Variants in FAM20C observed in about 807,000 individuals in gnomAD.
The protein encoded by FAM20C is FAM20C golgi associated secretory pathway kinase, also known as extracellular serine/threonine protein kinase FAM20C.
A neutral mutation model predicts 51.5 loss-of-function variants in FAM20C; 40 were observed. That is an observed-to-expected ratio of 0.78 (90% CI 0.60 to 1.01). The LOEUF is 1.01. Ranked by LOEUF, FAM20C falls within the 50% of genes least tolerant of loss-of-function variation. The pLI, the probability that FAM20C is intolerant of heterozygous loss-of-function variation, is 0.00. For synonymous variants in FAM20C, 406 were observed against 380.6 expected (o/e 1.07, Z -0.78); for missense variants, 861 against 844.7 (o/e 1.02, Z -0.24).
At chr7:245,205 T>G (rs527718092) in intron 3 of FAM20C, among the ~76,000 whole-genome samples, 1 of 152,360 alleles carries the variant, frequency 6.6e-6, no homozygotes, top group South Asian at 2.1e-4. Context: ...GTCTGTAGTC[T>G]GCATTGCTGG....
chr7:247,948 C>T (rs560410256), intron 4 of FAM20C, among the ~76,000 whole-genome samples: 8 of 152,350 alleles, frequency 5.3e-5, no homozygotes, highest in South Asian at 2.1e-4. Context: ...TTTAATTAAG[C>T]GAGTGGGAGC....
At chr7:212,378 G>C (rs1010574538) in intron 3 of FAM20C, among the ~76,000 whole-genome samples, 1 of 152,186 alleles carries the variant, frequency 6.6e-6, no homozygotes, top group Admixed American at 6.5e-5. Flanking sequence ...CAGGAGATTC[G>C]CTTGAACCTG....
chr7:203,084 T>G (rs532466211), intron 2 of FAM20C, among the ~76,000 whole-genome samples: 2 of 152,240 alleles, frequency 1.3e-5, no homozygotes, highest in African/African-American at 2.4e-5. Flanking sequence ...TCTCTGAGAC[T>G]TGTCCACGGT....
intron 3 of FAM20C, among the ~76,000 whole-genome samples, chr7:216,684 A>AGACAGAGT (rs1562376383): frequency 1.5e-4 from 22 of 149,482 alleles, no homozygotes; most frequent in African/African-American, 2.7e-4. Flanking sequence ...TGTGTGTGAG[A>AGACAGAGT]GTGTGTGTGT....
At chr7:259,203 C>G (rs1403556142) in intron 9 of FAM20C, among the ~76,000 whole-genome samples, 2 of 148,430 alleles carry the variant, frequency 1.3e-5, no homozygotes, top group Non-Finnish European at 3.0e-5. Flanking sequence ...GGTGAGTGGG[C>G]CGCCCTCCTC....
chr7:213,500 C>T (rs1201349455), intron 3 of FAM20C, among the ~76,000 whole-genome samples: 1 of 152,236 alleles, frequency 6.6e-6, no homozygotes, highest in African/African-American at 2.4e-5. Flanking sequence ...TGCTGCAGCA[C>T]GCATAGGTGC....
rs957248923 is a variant in FAM20C, at chr7:214,509, G to A, written c.863+5533G>A. On this transcript the variant is annotated intron_variant, in intron 3 of 9. Coordinates refer to ENST00000313766, the MANE Select transcript of FAM20C (RefSeq NM_020223.4). ...TTAGGCGAAGAGTGGTGCGGGAGGC[G>A]GTACCTGCACTTGGCACGGTCAGCG... Among the ~76,000 whole-genome samples the A allele has an allele frequency of 2.6e-5, 4 of 152,196 alleles. No homozygotes were observed. In the East Asian group the frequency reaches 7.7e-4, roughly 29 times the overall value.
At chr7:246,867 C>T (rs1788188268) in intron 4 of FAM20C, among the ~76,000 whole-genome samples, 1 of 152,096 alleles carries the variant, frequency 6.6e-6, no homozygotes, top group South Asian at 2.1e-4. Context: ...CCCAGGTTCC[C>T]ACGCTCCTAA....
intron 2 of FAM20C, among the ~76,000 whole-genome samples, chr7:198,093 C>T (rs1286247303): frequency 6.6e-6 from 1 of 152,226 alleles, no homozygotes; most frequent in Non-Finnish European, 1.5e-5. Context: ...GCTCGCTCGC[C>T]TCCTAGACCA....
chr7:217,767 G>A (rs79718152), intron 3 of FAM20C, among the ~76,000 whole-genome samples: 6 of 152,034 alleles, frequency 3.9e-5, no homozygotes, highest in Admixed American at 2.0e-4. Flanking sequence ...CCCGGGGCCC[G>A]CGCGTCACTG....
chr7:259,955 A>C lies in FAM20C; in HGVS notation c.1730A>C (p.Glu577Ala). ...HSVVDDDLDT[E>A]HRAASAR The stretch of plus-strand genomic sequence containing the variant: ...GTGGTGGATGACGACCTGGACACTG[A>C]GCACAGAGCCGCCTCGGCGAGGTAG... Residue 577 changes from glutamate (E) to alanine (A), a missense_variant, in exon 10 of 10, where the codon GAG (glutamate) becomes GCG (alanine). Around this residue, in one of 3 missense-constraint regions of FAM20C, gnomAD observed 269 missense variants for 283.8 expected, o/e 0.95. Coordinates refer to ENST00000313766, the MANE Select transcript of FAM20C (RefSeq NM_020223.4). The C allele has an allele frequency of 6.6e-7, 1 of 1,521,766 alleles. No homozygotes were observed. Among genetic ancestry groups the C allele is most frequent in the Non-Finnish European group, 8.8e-7 (1 of 1,135,260 alleles). 94.3% of individuals were successfully genotyped at this position (1,521,766 alleles called of 1,614,324 possible). A position where few individuals can be genotyped will look rare whatever the true frequency, so the allele number is the denominator to read the frequency against.
At chr7:251,272 G>A (rs1427516932) in intron 5 of FAM20C, among the ~76,000 whole-genome samples, 1 of 59,112 alleles carries the variant, frequency 1.7e-5, no homozygotes, top group African/African-American at 5.3e-5. Context: ...TGGCTCACAC[G>A]CCTGCAATCC....
In FAM20C at chr7:198,070, C is replaced by A. The variant is rs549703538; in HGVS notation, c.784+2338C>A. On this transcript the variant is annotated intron_variant, in intron 2 of 9. Transcript: ENST00000313766. Reference sequence around the variant, plus strand: ...ATTCCTGTGCCTACTGAAGGCCTGCCCCAGCTGATCTCGCTCGCTCGCCTC... The same window carrying A: ...ATTCCTGTGCCTACTGAAGGCCTGCACCAGCTGATCTCGCTCGCTCGCCTC... Among the ~76,000 whole-genome samples the A allele has an allele frequency of 9.2e-5, 14 of 152,322 alleles. No individual in the cohort carries two copies. In the South Asian group the frequency reaches 2.3e-3, roughly 25 times the overall value.
chr7:228,364 T>C, intron 3 of FAM20C: 1 of 426,042 alleles, frequency 2.3e-6, no homozygotes, highest in Non-Finnish European at 4.8e-6. Context: ...ACAGGGGCTC[T>C]TGTCAGTGTG....
chr7:210,982 T>C (rs1054904347), intron 3 of FAM20C, among the ~76,000 whole-genome samples: 1 of 152,084 alleles, frequency 6.6e-6, no homozygotes, highest in African/African-American at 2.4e-5. Flanking sequence ...CTGTGAGTTA[T>C]AGGAGGTGAC....
At chr7:199,739 T>C (rs991475729) in intron 2 of FAM20C, among the ~76,000 whole-genome samples, 1 of 152,186 alleles carries the variant, frequency 6.6e-6, no homozygotes, top group African/African-American at 2.4e-5. Context: ...TTGCCACCTT[T>C]AAAGAGTCTT....
chr7:224,290 C>T (rs796613093), intron 3 of FAM20C, among the ~76,000 whole-genome samples: 788 of 25,220 alleles, frequency 0.031, 30 homozygotes, highest in East Asian at 0.054. Flanking sequence ...CCTTCTCTCA[C>T]GGAGCAGAAT....
intron 3 of FAM20C, among the ~76,000 whole-genome samples, chr7:234,631 C>G (rs1020155170): frequency 6.6e-6 from 1 of 152,210 alleles, no homozygotes; most frequent in Admixed American, 6.5e-5. Flanking sequence ...GGGGCATCCC[C>G]GGGCCCTGTG....
chr7:217,346 C>T (rs898068714), intron 3 of FAM20C, among the ~76,000 whole-genome samples: 10 of 6,302 alleles, frequency 1.6e-3, no homozygotes, highest in Admixed American at 5.9e-3. Flanking sequence ...GTTGCTTTCT[C>T]TAGGTTGTGA....
Sources: gnomAD v4.1 joint callset for allele counts (sites outside exome capture counted in the v4.1 genomes callset) on GRCh38, gnomAD v4.1.1 for gene constraint, gnomAD v4.1.1 regional missense constraint, MANE v1.5 for transcripts, NCBI Gene and HGNC (gene_info 2026-07-23, HGNC 2026-07-21) for gene names.